SPATA13: variants seen among roughly 807,000 people sequenced by gnomAD.
SPATA13 encodes the protein spermatogenesis-associated protein 13.
A neutral mutation model predicts 104.0 loss-of-function variants in SPATA13; 50 were observed. The ratio of observed to expected loss-of-function variants is 0.48; its 90% CI spans 0.38 to 0.61. The LOEUF (loss-of-function observed/expected upper bound fraction) is 0.61. Among genes scored for constraint, SPATA13 ranks in the 20% least tolerant of loss-of-function variants. SPATA13 has a pLI of 0.00. For missense variants in SPATA13, 1,524 were observed against 1,690.6 expected, an observed-to-expected ratio of 0.90 and a Z score of 1.73; for synonymous variants, 606 against 667.5, an observed-to-expected ratio of 0.91 and a Z score of 1.42.
chr13:24,083,276 G>T (rs1879603837), intron 3 of SPATA13, among the ~76,000 whole-genome samples: 2 of 152,206 alleles, frequency 1.3e-5, no homozygotes, highest in Admixed American at 6.5e-5. Flanking sequence ...TGCAGGCCGT[G>T]AGTGACACCA....
At chr13:24,235,830 A>G (rs1048945562) in intron 2 of SPATA13, among the ~76,000 whole-genome samples, 3 of 152,222 alleles carry the variant, frequency 2.0e-5, no homozygotes, top group Non-Finnish European at 2.9e-5. Context: ...CACTACTGAG[A>G]ACTAGAATTT....
chr13:24,117,502 G>C (rs1417819618), intron 3 of SPATA13, among the ~76,000 whole-genome samples: 1 of 152,134 alleles, frequency 6.6e-6, no homozygotes, highest in Non-Finnish European at 1.5e-5. Flanking sequence ...TATGACTTTA[G>C]TGATGTCAGT....
At chr13:24,151,373 A>G (rs1478333618) in intron 3 of SPATA13, among the ~76,000 whole-genome samples, 1 of 152,216 alleles carries the variant, frequency 6.6e-6, no homozygotes, top group Non-Finnish European at 1.5e-5. Flanking sequence ...AATGAAAATA[A>G]TGATAAACTC....
chr13:24,240,670 C>T (rs954938808), intron 2 of SPATA13, among the ~76,000 whole-genome samples: 6 of 152,118 alleles, frequency 3.9e-5, no homozygotes, highest in Admixed American at 2.6e-4. Context: ...TGTTTTTATG[C>T]TCATGGAACT....
chr13:24,185,329 G>A (rs757045360), intron 1 of SPATA13, among the ~76,000 whole-genome samples: 2 of 152,132 alleles, frequency 1.3e-5, no homozygotes, highest in African/African-American at 2.4e-5. Context: ...TTATTTCTTA[G>A]TGAAGTACTG....
intron 1 of SPATA13, among the ~76,000 whole-genome samples, chr13:24,199,186 C>CCAGAACCATAAT (rs1165935876): frequency 5.9e-5 from 9 of 152,090 alleles, no homozygotes; most frequent in African/African-American, 2.2e-4. Context: ...ACTGCGCCCG[C>CCAGAACCATAAT]CAGAACCATA....
intron 1 of SPATA13, among the ~76,000 whole-genome samples, chr13:24,194,209 A>G (rs1230316163): frequency 6.6e-6 from 1 of 152,230 alleles, no homozygotes; most frequent in African/African-American, 2.4e-5. Context: ...ATCACACATT[A>G]TATAAGATGA....
intron 4 of SPATA13, among the ~76,000 whole-genome samples, chr13:24,280,816 A>AC (rs2138720208): frequency 6.6e-6 from 1 of 150,922 alleles, no homozygotes; most frequent in East Asian, 2.0e-4. Flanking sequence ...CCCCCAACCC[A>AC]CCCCCAAACT....
chr13:24,231,062 C>A (rs536551730), intron 2 of SPATA13, among the ~76,000 whole-genome samples: 4 of 152,164 alleles, frequency 2.6e-5, no homozygotes, highest in Non-Finnish European at 4.4e-5. Context: ...TTGGCTCCCC[C>A]CAGAAGGCTT....
At chr13:24,019,117 C>G (rs1876850415) in intron 3 of SPATA13, among the ~76,000 whole-genome samples, 1 of 143,796 alleles carries the variant, frequency 7.0e-6, no homozygotes, top group Admixed American at 7.0e-5. Flanking sequence ...GAGACGGAGT[C>G]TCGCTCTGTC....
intron 2 of SPATA13, chr13:24,017,635 G>T: frequency 1.0e-6 from 1 of 984,396 alleles, no homozygotes; most frequent in Non-Finnish European, 1.2e-6. Context: ...ACACATCTGT[G>T]CACTAAAACA....
At chr13:24,104,750 C>A (rs896839411) in intron 3 of SPATA13, among the ~76,000 whole-genome samples, 9 of 152,276 alleles carry the variant, frequency 5.9e-5, no homozygotes, top group African/African-American at 1.9e-4. Flanking sequence ...TAGTAAGTGC[C>A]ATAGATTTTG....
chr13:24,045,121 TATC>T (rs34471815), intron 3 of SPATA13, among the ~76,000 whole-genome samples: 70,134 of 151,906 alleles, frequency 0.46, 16,921 homozygotes, highest in African/African-American at 0.61. Context: ...GTATAATTTA[TATC>T]ACTCATTGCC....
chr13:24,275,989 T>C (rs756696111), intron 4 of SPATA13, among the ~76,000 whole-genome samples: 3 of 152,122 alleles, frequency 2.0e-5, no homozygotes, highest in Non-Finnish European at 4.4e-5. Flanking sequence ...CAAAAGAAAC[T>C]ACGGTTGGTG....
intron 2 of SPATA13, among the ~76,000 whole-genome samples, chr13:24,010,718 C>T (rs534238787): frequency 6.6e-6 from 1 of 152,072 alleles, no homozygotes; most frequent in Non-Finnish European, 1.5e-5. Context: ...CCCCACTCCT[C>T]CCTCCCTCCT....
intron 1 of SPATA13, among the ~76,000 whole-genome samples, chr13:24,200,095 G>A (rs1258171132): frequency 6.6e-6 from 1 of 152,156 alleles, no homozygotes; most frequent in Non-Finnish European, 1.5e-5. Context: ...TATTCTCTTT[G>A]CCAGACTTGT....
intron 2 of SPATA13, among the ~76,000 whole-genome samples, chr13:24,007,297 TC>T (rs1370945576): frequency 6.6e-6 from 1 of 152,144 alleles, no homozygotes; most frequent in Non-Finnish European, 1.5e-5. Flanking sequence ...ACTGCTTGCA[TC>T]TTTGAGGGGT....
chr13:24,259,674 T>G (rs945935535), intron 4 of SPATA13, among the ~76,000 whole-genome samples: 6 of 152,252 alleles, frequency 3.9e-5, no homozygotes, highest in Non-Finnish European at 7.3e-5. Context: ...CTCAACATTA[T>G]GATACTTTGA....
At chr13:24,004,019 T>C (rs1001931096) in intron 2 of SPATA13, among the ~76,000 whole-genome samples, 6 of 152,172 alleles carry the variant, frequency 3.9e-5, no homozygotes, top group Non-Finnish European at 8.8e-5. Flanking sequence ...GTCTTTTAAA[T>C]ATAGAAGTTG....
Sources: allele counts gnomAD v4.1 joint callset (sites outside exome capture counted in the v4.1 genomes callset), GRCh38; gene constraint gnomAD v4.1.1; transcripts MANE v1.5; gene names NCBI Gene and HGNC (gene_info 2026-07-23, HGNC 2026-07-21).